The following DCTN5 variants were observed in gnomAD, a reference collection of about 807,000 sequenced individuals.
DCTN5 encodes dynactin 4.
In DCTN5, 14 loss-of-function variants were observed where a neutral mutation model predicts 23.5. That is an observed-to-expected ratio of 0.60 (90% CI 0.39 to 0.93). The LOEUF (loss-of-function observed/expected upper bound fraction) is 0.93, where lower values mean the gene tolerates loss of function less well. Ranked by LOEUF, DCTN5 falls within the 40% of genes least tolerant of loss-of-function variation. The pLI is 0.00. For missense variants in DCTN5, 156 were observed against 225.9 expected (o/e 0.69, Z 1.98); for synonymous variants, 67 against 79.6 (o/e 0.84, Z 0.84).
At chr16:23,650,637 C>T in intron 2 of DCTN5, 1 of 984,136 alleles carries the variant, frequency 1.0e-6, no homozygotes, top group Non-Finnish European at 1.5e-6. Context: ...CCCGTCTGTG[C>T]ATTTTCACTG....
chr16:23,666,463 A>T (rs1016540061), intron 5 of DCTN5: 3 of 153,970 alleles, frequency 1.9e-5, no homozygotes, highest in African/African-American at 7.2e-5. Flanking sequence ...AACAAAAGTG[A>T]TACGTACTTC....
At position 23,645,353 on chromosome 16, in the gene DCTN5, G is replaced by A. The variant is rs555584704; in HGVS notation, c.117+2330G>A. ...TTGATCAGGCTGGTCTCGAACTCCC[G>A]ACCTCAGGTGATCTGCCCTCCTTGG... On this transcript the variant is annotated intron_variant, in intron 2 of 5. Transcript: ENST00000300087. Among the ~76,000 whole-genome samples, 8 of 150,818 alleles carry A rather than the reference G, an allele frequency of 5.3e-5. No homozygotes were observed. The South Asian group carries it at 1.3e-3, about 24-fold the overall frequency.
At chr16:23,645,141 T>A (rs1395766287) in intron 2 of DCTN5, among the ~76,000 whole-genome samples, 35 of 84,186 alleles carry the variant, frequency 4.2e-4, no homozygotes, top group Non-Finnish European at 5.3e-4. Context: ...ATATATATTT[T>A]TTTTTTTTTT....
intron 4 of DCTN5, among the ~76,000 whole-genome samples, chr16:23,661,958 A>G (rs1236304111): frequency 6.6e-6 from 1 of 151,784 alleles, no homozygotes; most frequent in Non-Finnish European, 1.5e-5. Context: ...ACTGTAGCCT[A>G]TAATCCCAGC....
chr16:23,667,611 AGTT>A lies in DCTN5; in HGVS notation c.*472_*474del, dbSNP rs1459811912. Reference sequence around the variant, plus strand: ...TTTTCTGCTGCTAACACATTTGGCCAGTTGTTGCAGTTGCTCATCATCTTGGGA... The same window carrying A: ...TTTTCTGCTGCTAACACATTTGGCCAGTTGCAGTTGCTCATCATCTTGGGA... On this transcript the variant is annotated 3_prime_UTR_variant, in exon 6 of 6. Coordinates refer to ENST00000300087, the MANE Select transcript of DCTN5 (RefSeq NM_032486.4). The A allele has an allele frequency of 5.1e-5, 8 of 157,480 alleles. No homozygotes were observed. Among genetic ancestry groups the A allele is most frequent in the African/African-American group, 1.9e-4 (8 of 41,552 alleles). The allele number at this position is 157,480 out of a possible 1,614,324, so 9.8% of individuals were successfully genotyped here. A position where few individuals can be genotyped will look rare whatever the true frequency, so the allele number is the denominator to read the frequency against.
At chr16:23,665,091 C>T (rs1256525966) in intron 4 of DCTN5, among the ~76,000 whole-genome samples, 1 of 152,148 alleles carries the variant, frequency 6.6e-6, no homozygotes, top group Non-Finnish European at 1.5e-5. Context: ...CTCTGGAAAC[C>T]CCAGTGGGAA....
chr16:23,646,025 C>G (rs1967450821), intron 2 of DCTN5, among the ~76,000 whole-genome samples: 1 of 152,142 alleles, frequency 6.6e-6, no homozygotes. Flanking sequence ...TCCAAAATGG[C>G]TGCACCATTT....
rs1967945095 is a variant in DCTN5, at chr16:23,668,396, T to C, written c.*1252T>C. 1 of 152,262 alleles carries C rather than the reference T, an allele frequency of 6.6e-6. No individual in the cohort carries two copies. Among genetic ancestry groups the C allele is most frequent in the Admixed American group, 6.5e-5 (1 of 15,290 alleles). 9.4% of individuals were successfully genotyped at this position (152,262 alleles called of 1,614,324 possible). A position where few individuals can be genotyped will look rare whatever the true frequency, so the allele number is the denominator to read the frequency against. On this transcript the variant is annotated 3_prime_UTR_variant, in exon 6 of 6. Transcript: ENST00000300087. ...CCTTTCTAGTTTGTTATTTTTAAAA[T>C]GTTTATACATAAAACCACCAAAATA...
intron 2 of DCTN5, among the ~76,000 whole-genome samples, chr16:23,647,330 G>A (rs981125732): frequency 2.6e-5 from 4 of 151,682 alleles, no homozygotes; most frequent in Non-Finnish European, 4.4e-5. Context: ...GGCTGGTCTC[G>A]AACTCCTGAC....
chr16:23,642,767 A>C (rs1047843437), intron 1 of DCTN5, 188 bp from the exon 2 acceptor site: 1 of 585,902 alleles, frequency 1.7e-6, no homozygotes, highest in Middle Eastern at 3.1e-4. Context: ...GATTACAGGC[A>C]TGAGCCACCA....
chr16:23,660,591 A>C (rs572887082), intron 3 of DCTN5, among the ~76,000 whole-genome samples: 1 of 152,318 alleles, frequency 6.6e-6, no homozygotes, highest in African/African-American at 2.4e-5. Context: ...GTGTTTCTGT[A>C]GCCCTTATCA....
intron 2 of DCTN5, among the ~76,000 whole-genome samples, chr16:23,644,294 A>ATTTTTTTTTTTTTTTTTTTTTT (rs534821955): frequency 1.0e-5 from 1 of 97,352 alleles, no homozygotes; most frequent in Non-Finnish European, 2.0e-5. Flanking sequence ...TGCCCACCTA[A>ATTTTTTTTTTTTTTTTTTTTTT]TTTTTTTTTT....
intron 2 of DCTN5, among the ~76,000 whole-genome samples, chr16:23,648,345 T>C (rs913961094): frequency 8.8e-5 from 10 of 113,980 alleles, no homozygotes; most frequent in Admixed American, 8.6e-4. Context: ...TTCTTTTTTC[T>C]TTTTTTTTTT....
In DCTN5 at chr16:23,674,566, C is replaced by T. The variant is rs570506712; in HGVS notation, c.*7422C>T. The stretch of plus-strand genomic sequence containing the variant: ...ACTGACAGCCTGACTCTACTTCCCT[C>T]ACTTTTCTCCCAGCACACACAGCTT... On this transcript the variant is annotated 3_prime_UTR_variant, in exon 6 of 6. Coordinates refer to ENST00000300087, the MANE Select transcript of DCTN5 (RefSeq NM_032486.4). 2 of 152,350 alleles carry T rather than the reference C, an allele frequency of 1.3e-5. No individual in the cohort carries two copies. Among genetic ancestry groups the T allele is most frequent in the Admixed American group, 6.5e-5 (1 of 15,304 alleles). The allele number at this position is 152,350 out of a possible 1,614,324, so 9.4% of individuals were successfully genotyped here.
At chr16:23,660,882 C>T (rs1481880152) in intron 3 of DCTN5, among the ~76,000 whole-genome samples, 2 of 152,120 alleles carry the variant, frequency 1.3e-5, no homozygotes, top group Non-Finnish European at 2.9e-5. Flanking sequence ...AATGAACAAA[C>T]GTTCATTGAT....
At chr16:23,641,995 G>T (rs1001863545) in intron 1 of DCTN5, among the ~76,000 whole-genome samples, 5 of 152,116 alleles carry the variant, frequency 3.3e-5, no homozygotes, top group African/African-American at 1.2e-4. Flanking sequence ...GCCGCGGCGC[G>T]ATCTCTGCTC....
chr16:23,641,512 G>A lies in DCTN5; in HGVS notation c.-31G>A, dbSNP rs778113206. On this transcript the variant is annotated 5_prime_UTR_variant, in exon 1 of 6. Transcript: ENST00000300087. ...AAGACTGACCGACTGACTCTGACAG[G>A]ATCCGGGGCTGAGGGAAGGAGGCGG... The A allele has an allele frequency of 1.2e-6, 2 of 1,613,866 alleles. No homozygotes were observed. The highest frequency in any genetic ancestry group is 1.3e-5 in the African/African-American group (1 of 74,952).
At chr16:23,662,754 G>T (rs1261597052) in intron 4 of DCTN5, among the ~76,000 whole-genome samples, 1 of 152,212 alleles carries the variant, frequency 6.6e-6, no homozygotes, top group Admixed American at 6.5e-5. Flanking sequence ...ACAAAAGCTA[G>T]CCTTCCAGCT....
intron 3 of DCTN5, 92 bp downstream of exon 3, chr16:23,658,717 T>C (rs1333255117): frequency 1.2e-5 from 11 of 951,994 alleles, no homozygotes; most frequent in Non-Finnish European, 1.7e-5. Flanking sequence ...AATGACTAGG[T>C]CTGTCCTGTT....
Sources: gnomAD v4.1 joint callset for allele counts (sites outside exome capture counted in the v4.1 genomes callset) on GRCh38, gnomAD v4.1.1 for gene constraint, MANE v1.5 for transcripts, NCBI Gene and HGNC (gene_info 2026-07-23, HGNC 2026-07-21) for gene names.